Variants in MEF2C observed in about 807,000 individuals in gnomAD.
MEF2C encodes the protein myocyte-specific enhancer factor 2C.
Under a neutral mutation model 50.5 loss-of-function variants are expected in MEF2C, and 6 were observed. The observed-to-expected ratio is 0.12, with a 90% CI of 0.07 to 0.23. The LOEUF is 0.23. Among genes scored for constraint, MEF2C ranks in the 10% least tolerant of loss-of-function variants. The pLI is 1.00. For missense variants in MEF2C, 276 were observed against 605.0 expected (o/e 0.46, Z 5.70); for synonymous variants, 183 against 228.0 (o/e 0.80, Z 1.78).
intron 3 of MEF2C, among the ~76,000 whole-genome samples, chr5:88,802,409 T>C (rs1487911406): frequency 6.6e-6 from 1 of 152,206 alleles, no homozygotes; most frequent in Non-Finnish European, 1.5e-5. Context: ...TATCAAAAAA[T>C]ATGAAGTTTT....
chr5:88,811,176 G>A (rs1003262436), intron 2 of MEF2C, among the ~76,000 whole-genome samples: 11 of 152,082 alleles, frequency 7.2e-5, no homozygotes, highest in Non-Finnish European at 1.3e-4. Flanking sequence ...GACTGATGTA[G>A]GGTCTGAGAA....
At chr5:88,822,092 G>GT (rs953516167) in intron 2 of MEF2C, among the ~76,000 whole-genome samples, 3 of 151,890 alleles carry the variant, frequency 2.0e-5, no homozygotes, top group African/African-American at 4.8e-5. Flanking sequence ...TTGTATCCCT[G>GT]TTTTTTCTAA....
At chr5:88,735,409 T>A (rs1187691214) in intron 6 of MEF2C, 1 of 985,312 alleles carries the variant, frequency 1.0e-6, no homozygotes, top group African/African-American at 1.7e-5. Context: ...CGTGACTGTA[T>A]GCAGATGTCA....
intron 1 of MEF2C, among the ~76,000 whole-genome samples, chr5:88,825,265 ATTT>A (rs34835022): frequency 7.0e-6 from 1 of 142,486 alleles, no homozygotes; most frequent in Non-Finnish European, 1.5e-5. Context: ...CACCTTGGGT[ATTT>A]TTTTTTTTTT....
At chr5:88,798,419 CT>C (rs935889070) in intron 3 of MEF2C, among the ~76,000 whole-genome samples, 2 of 151,834 alleles carry the variant, frequency 1.3e-5, no homozygotes, top group African/African-American at 4.8e-5. Flanking sequence ...CTTTCTTCCG[CT>C]TGATCGATTT....
intron 1 of MEF2C, among the ~76,000 whole-genome samples, chr5:88,845,270 C>T (rs772395944): frequency 1.3e-5 from 2 of 152,116 alleles, no homozygotes; most frequent in Non-Finnish European, 2.9e-5. Flanking sequence ...GCCAAAAGAC[C>T]CCAGAAACAA....
chr5:88,796,348 C>CT (rs1382000423), intron 3 of MEF2C, among the ~76,000 whole-genome samples: 1 of 152,128 alleles, frequency 6.6e-6, no homozygotes, highest in Non-Finnish European at 1.5e-5. Flanking sequence ...TATTTGACTT[C>CT]TTCCTGGTTT....
chr5:88,726,368 T>C (rs1007671927), intron 10 of MEF2C, among the ~76,000 whole-genome samples: 2 of 152,180 alleles, frequency 1.3e-5, no homozygotes, highest in African/African-American at 4.8e-5. Context: ...AGGATGCTCA[T>C]GTGAATTACT....
At chr5:88,742,307 C>A (rs1767202466) in intron 6 of MEF2C, 1 of 984,866 alleles carries the variant, frequency 1.0e-6, no homozygotes. Context: ...GGAAGAGGAA[C>A]CTAATAGGTG....
At position 88,770,065 on chromosome 5, in the gene MEF2C, G is replaced by C. The variant is rs907744633; in HGVS notation, c.259-8737C>G. The C allele has an allele frequency of 6.6e-6, 6 of 903,282 alleles. No homozygotes were observed. In the African/African-American group the frequency reaches 1.1e-4, roughly 16 times the overall value. The allele number at this position is 903,282 out of a possible 1,614,324, so 56.0% of individuals were successfully genotyped here. A position where few individuals can be genotyped will look rare whatever the true frequency, so the allele number is the denominator to read the frequency against. ...TGATTTCTTAAATGAGGAAGGAAAA[G>C]ACAAGACAGAACTATAAATTAAACA... On this transcript the variant is annotated intron_variant, in intron 3 of 10. Coordinates refer to ENST00000504921, the MANE Select transcript of MEF2C (RefSeq NM_002397.5).
intron 1 of MEF2C, among the ~76,000 whole-genome samples, chr5:88,897,553 T>G (rs1303089488): frequency 6.6e-6 from 1 of 152,200 alleles, no homozygotes; most frequent in African/African-American, 2.4e-5. Flanking sequence ...CAAGCCGTTT[T>G]ATCACATTTC....
chr5:88,850,042 C>T (rs1470790916), intron 1 of MEF2C, among the ~76,000 whole-genome samples: 1 of 152,084 alleles, frequency 6.6e-6, no homozygotes, highest in Non-Finnish European at 1.5e-5. Context: ...CCCATTAACT[C>T]GTCATTTAAC....
chr5:88,902,444 G>A (rs1835766286), intron 1 of MEF2C, among the ~76,000 whole-genome samples: 1 of 151,640 alleles, frequency 6.6e-6, no homozygotes, highest in African/African-American at 2.4e-5. Flanking sequence ...ATGTTTGTGG[G>A]TAACGTTATG....
chr5:88,758,976 T>C (rs985448675), intron 4 of MEF2C, among the ~76,000 whole-genome samples: 1 of 152,236 alleles, frequency 6.6e-6, no homozygotes, highest in Admixed American at 6.5e-5. Context: ...TCCAGAACTT[T>C]AGGGGTTAAA....
intron 2 of MEF2C, among the ~76,000 whole-genome samples, chr5:88,807,348 G>A (rs897548595): frequency 6.6e-5 from 10 of 151,928 alleles, no homozygotes; most frequent in Admixed American, 5.9e-4. Flanking sequence ...CTCAACCTCC[G>A]GAGTAGCTGG....
chr5:88,847,567 A>G (rs1819769601), intron 1 of MEF2C, among the ~76,000 whole-genome samples: 1 of 152,196 alleles, frequency 6.6e-6, no homozygotes, highest in African/African-American at 2.4e-5. Context: ...CCCTGCTTAC[A>G]TCAGCTGACC....
chr5:88,800,566 A>T (rs1417468824), intron 3 of MEF2C, among the ~76,000 whole-genome samples: 2 of 152,154 alleles, frequency 1.3e-5, no homozygotes, highest in African/African-American at 4.8e-5. Context: ...AGTACTCAAC[A>T]ACCACATCTT....
chr5:88,882,298 G>A (rs1008343165), intron 1 of MEF2C, among the ~76,000 whole-genome samples: 5 of 152,154 alleles, frequency 3.3e-5, no homozygotes, highest in Admixed American at 3.3e-4. Flanking sequence ...GACTTGACCT[G>A]AACAGCAATC....
At chr5:88,835,350 C>A (rs1581378583) in intron 1 of MEF2C, among the ~76,000 whole-genome samples, 2 of 152,252 alleles carry the variant, frequency 1.3e-5, no homozygotes, top group South Asian at 4.1e-4. Flanking sequence ...AAGATGTCAG[C>A]AGTATTTGAA....
Sources: gnomAD v4.1 joint callset for allele counts (sites outside exome capture counted in the v4.1 genomes callset) on GRCh38, gnomAD v4.1.1 for gene constraint, MANE v1.5 for transcripts, NCBI Gene and HGNC (gene_info 2026-07-23, HGNC 2026-07-21) for gene names.